PRICKLE2: variants seen among roughly 807,000 people sequenced by gnomAD.
The protein encoded by PRICKLE2 is prickle-like protein 2.
PRICKLE2 carries 21 observed loss-of-function variants against 81.4 expected under a neutral mutation model. The observed-to-expected ratio is 0.26, with a 90% CI of 0.18 to 0.37. The LOEUF (loss-of-function observed/expected upper bound fraction) is 0.37, where lower values mean the gene tolerates loss of function less well. Among genes scored for constraint, PRICKLE2 ranks in the 10% least tolerant of loss-of-function variants. PRICKLE2 has a pLI of 1.00. For missense variants in PRICKLE2, 940 were observed against 1,109.0 expected (o/e 0.85, Z 2.16); for synonymous variants, 456 against 421.5 (o/e 1.08, Z -1.00).
intron 5 of PRICKLE2, chr3:64,155,009 C>T (rs11130959): frequency 0.53 from 80,466 of 151,442 alleles, 22,386 homozygotes; most frequent in Non-Finnish European, 0.6. Context: ...ATCAGCTGGG[C>T]ATGGTGGTGC....
chr3:64,210,585 G>A (rs1050000231), intron 1 of PRICKLE2, among the ~76,000 whole-genome samples: 2 of 152,258 alleles, frequency 1.3e-5, no homozygotes, highest in Middle Eastern at 3.4e-3. Context: ...TCTCTCCCAG[G>A]GGTTGCTGAA....
chr3:64,244,724 C>T (rs1195192504), intron 2 of PRICKLE2, among the ~76,000 whole-genome samples: 1 of 151,894 alleles, frequency 6.6e-6, no homozygotes, highest in Non-Finnish European at 1.5e-5. Flanking sequence ...CAAAACACAA[C>T]TTAGCATGAC....
rs796419238 is a variant in PRICKLE2, at chr3:64,154,570, G to T, written c.601-1202C>A. 7.9e-5 allele frequency: 12 copies of T among 151,836 alleles called. 1 individual carries two copies. Among genetic ancestry groups the T allele is most frequent in the African/African-American group, 2.9e-4 (12 of 41,404 alleles). 9.4% of individuals were successfully genotyped at this position (151,836 alleles called of 1,614,324 possible). On this transcript the variant is annotated intron_variant, in intron 5 of 7. Coordinates refer to ENST00000638394, the MANE Select transcript of PRICKLE2 (RefSeq NM_198859.4). ...CGAAGAAAAAAAAATTAATTCAAAT[G>T]GGTTTAAAGAGCTAGGGGCAAAAAA...
chr3:64,134,521 G>T (rs1356898459), intron 7 of PRICKLE2, among the ~76,000 whole-genome samples: 1 of 152,132 alleles, frequency 6.6e-6, no homozygotes, highest in Non-Finnish European at 1.5e-5. Flanking sequence ...ATGACATTTT[G>T]TGCACTGTAG....
intron 2 of PRICKLE2, among the ~76,000 whole-genome samples, chr3:64,195,218 G>T (rs1250241317): frequency 6.6e-6 from 1 of 152,090 alleles, no homozygotes; most frequent in Non-Finnish European, 1.5e-5. Flanking sequence ...CAAGATAAAT[G>T]CCTTTCCTTT....
intron 2 of PRICKLE2, among the ~76,000 whole-genome samples, chr3:64,184,639 T>C (rs1237046003): frequency 8.0e-6 from 1 of 124,378 alleles, no homozygotes; most frequent in East Asian, 2.1e-4. Flanking sequence ...GACTGACTGA[T>C]TTAAAAAAAA....
chr3:64,104,976 C>G (rs904829069), intron 7 of PRICKLE2, among the ~76,000 whole-genome samples: 1 of 152,164 alleles, frequency 6.6e-6, no homozygotes, highest in East Asian at 1.9e-4. Context: ...AGAATCCTTA[C>G]GCAGACCTTA....
chr3:64,205,826 T>G (rs1375267970), intron 1 of PRICKLE2, among the ~76,000 whole-genome samples: 1 of 152,184 alleles, frequency 6.6e-6, no homozygotes, highest in Non-Finnish European at 1.5e-5. Context: ...CAAGTTGATG[T>G]GGAGAAGAAG....
intron 5 of PRICKLE2, among the ~76,000 whole-genome samples, chr3:64,155,751 G>A (rs574659282): frequency 6.6e-6 from 1 of 152,234 alleles, no homozygotes; most frequent in East Asian, 1.9e-4. Flanking sequence ...TTGGAAACAC[G>A]CTAAACGAAA....
intron 1 of PRICKLE2, among the ~76,000 whole-genome samples, chr3:64,202,141 C>T (rs1048273189): frequency 1.1e-4 from 17 of 152,158 alleles, no homozygotes; most frequent in Non-Finnish European, 2.1e-4. Context: ...TGCAGTTCTG[C>T]GGTAAGTTTT....
intron 6 of PRICKLE2, among the ~76,000 whole-genome samples, chr3:64,150,982 T>C (rs2077537654): frequency 6.6e-6 from 1 of 152,182 alleles, no homozygotes; most frequent in Admixed American, 6.5e-5. Context: ...TTTTATTCCT[T>C]CTCTAAGCCC....
intron 7 of PRICKLE2, among the ~76,000 whole-genome samples, chr3:64,107,118 G>A (rs1224507446): frequency 6.6e-6 from 1 of 152,164 alleles, no homozygotes; most frequent in Non-Finnish European, 1.5e-5. Flanking sequence ...ATGCACCACA[G>A]GGGTGCAGGT....
chr3:64,135,718 ACACACG>A (rs779999128), intron 7 of PRICKLE2, among the ~76,000 whole-genome samples: 6 of 145,772 alleles, frequency 4.1e-5, no homozygotes, highest in South Asian at 2.2e-4. Flanking sequence ...ACACACACAC[ACACACG>A]CACACACACC....
chr3:64,257,787 G>C (rs959293940), intron 2 of PRICKLE2, among the ~76,000 whole-genome samples: 1 of 152,150 alleles, frequency 6.6e-6, no homozygotes, highest in Non-Finnish European at 1.5e-5. Flanking sequence ...TTGAATGTTT[G>C]TGTCCTTCTC....
intron 2 of PRICKLE2, among the ~76,000 whole-genome samples, chr3:64,168,432 G>A (rs1429357746): frequency 6.6e-6 from 1 of 152,120 alleles, no homozygotes; most frequent in Non-Finnish European, 1.5e-5. Context: ...CATTTCTGTT[G>A]GGCCGCATTC....
intron 3 of PRICKLE2, among the ~76,000 whole-genome samples, chr3:64,160,695 G>C (rs1301862305): frequency 6.6e-6 from 1 of 152,202 alleles, no homozygotes; most frequent in Non-Finnish European, 1.5e-5. Flanking sequence ...GACTTCAGTT[G>C]AGTCGACTTG....
At chr3:64,130,688 G>T (rs1005031078) in intron 7 of PRICKLE2, among the ~76,000 whole-genome samples, 2 of 152,150 alleles carry the variant, frequency 1.3e-5, no homozygotes, top group Non-Finnish European at 2.9e-5. Flanking sequence ...GAAGAATTTA[G>T]TTTGGTCTTA....
intron 7 of PRICKLE2, among the ~76,000 whole-genome samples, chr3:64,128,739 G>A (rs1162091599): frequency 3.2e-5 from 2 of 62,092 alleles, no homozygotes; most frequent in Non-Finnish European, 5.4e-5. Context: ...GTGTAAGACT[G>A]TCTCAAAAAA....
upstream of PRICKLE2, among the ~76,000 whole-genome samples, chr3:64,228,720 T>C (rs987687504): frequency 6.6e-6 from 1 of 152,142 alleles, no homozygotes; most frequent in Non-Finnish European, 1.5e-5. Context: ...GTAATACATA[T>C]GAGAAACTCA....
Sources: gnomAD v4.1 joint callset for allele counts (sites outside exome capture counted in the v4.1 genomes callset) on GRCh38, gnomAD v4.1.1 for gene constraint, MANE v1.5 for transcripts, NCBI Gene and HGNC (gene_info 2026-07-23, HGNC 2026-07-21) for gene names.